The following TMEM132D variants were observed in gnomAD, a reference collection of about 807,000 sequenced individuals.
TMEM132D encodes the protein mature OL transmembrane protein.
TMEM132D carries 21 observed loss-of-function variants against 62.3 expected under a neutral mutation model. The observed-to-expected ratio is 0.34, with a 90% CI of 0.24 to 0.49. The LOEUF (loss-of-function observed/expected upper bound fraction) is 0.49. TMEM132D is among the 20% of genes least tolerant of loss of function. The probability of loss-of-function intolerance (pLI) is 0.99; values close to 1 mark genes in which losing one functional copy is unlikely to be tolerated. For missense variants in TMEM132D, 1,346 were observed against 1,402.8 expected (o/e 0.96, Z 0.65); for synonymous variants, 621 against 575.6 (o/e 1.08, Z -1.13).
intron 2 of TMEM132D, among the ~76,000 whole-genome samples, chr12:129,539,131 G>T (rs947230960): frequency 2.0e-5 from 3 of 152,174 alleles, no homozygotes; most frequent in Non-Finnish European, 4.4e-5. Flanking sequence ...ACAGGACAAA[G>T]GAATGATTCA....
intron 3 of TMEM132D, among the ~76,000 whole-genome samples, chr12:129,498,742 T>C (rs1041084948): frequency 6.6e-6 from 1 of 152,180 alleles, no homozygotes; most frequent in African/African-American, 2.4e-5. Flanking sequence ...TATGTCTTCA[T>C]CAGTTAAGGT....
At chr12:129,485,919 GT>G (rs1566085081) in intron 3 of TMEM132D, among the ~76,000 whole-genome samples, 1 of 152,218 alleles carries the variant, frequency 6.6e-6, no homozygotes, top group Non-Finnish European at 1.5e-5. Context: ...ATCTAGACAT[GT>G]TGTGTGTAGC....
intron 2 of TMEM132D, among the ~76,000 whole-genome samples, chr12:129,550,915 G>T (rs1233264423): frequency 6.6e-6 from 1 of 152,188 alleles, no homozygotes; most frequent in Non-Finnish European, 1.5e-5. Flanking sequence ...CTATGAGGCT[G>T]TGAGTTCTGT....
intron 3 of TMEM132D, among the ~76,000 whole-genome samples, chr12:129,407,808 A>G (rs556456782): frequency 6.6e-6 from 1 of 151,374 alleles, no homozygotes; most frequent in African/African-American, 2.4e-5. Flanking sequence ...AGGCTGAGGC[A>G]GGAGAATGGT....
At chr12:129,860,744 T>A (rs573848426) in intron 1 of TMEM132D, among the ~76,000 whole-genome samples, 85 of 152,270 alleles carry the variant, frequency 5.6e-4, no homozygotes, top group Middle Eastern at 3.4e-3. Flanking sequence ...TGGGGAGGCC[T>A]CAGGAAACTT....
chr12:129,215,875 G>A (rs1243008113), intron 4 of TMEM132D, among the ~76,000 whole-genome samples: 1 of 152,194 alleles, frequency 6.6e-6, no homozygotes. Flanking sequence ...AGAGCCAAGT[G>A]AAAGGGGAAA....
chr12:129,372,071 G>A (rs905375821), intron 3 of TMEM132D, among the ~76,000 whole-genome samples: 3 of 152,238 alleles, frequency 2.0e-5, no homozygotes, highest in Non-Finnish European at 4.4e-5. Flanking sequence ...TAGCATTTGA[G>A]TTAGCAGACT....
At chr12:129,483,559 A>T (rs2137054993) in intron 3 of TMEM132D, among the ~76,000 whole-genome samples, 1 of 152,362 alleles carries the variant, frequency 6.6e-6, no homozygotes, top group Non-Finnish European at 1.5e-5. Flanking sequence ...ATTGAAGTTG[A>T]GTCATCTGAA....
intron 4 of TMEM132D, among the ~76,000 whole-genome samples, chr12:129,273,875 A>G (rs752673418): frequency 3.3e-5 from 5 of 151,530 alleles, no homozygotes. Context: ...TACCCATATA[A>G]CACACCTGCA....
chr12:129,594,240 G>T (rs1459525636), intron 2 of TMEM132D, among the ~76,000 whole-genome samples: 3 of 152,182 alleles, frequency 2.0e-5, no homozygotes, highest in Non-Finnish European at 4.4e-5. Flanking sequence ...AACCCCATAA[G>T]CCATATGGCC....
intron 1 of TMEM132D, among the ~76,000 whole-genome samples, chr12:129,860,135 G>A (rs887277054): frequency 7.9e-5 from 12 of 152,132 alleles, no homozygotes; most frequent in South Asian, 4.1e-4. Flanking sequence ...GACAGGACAC[G>A]CACACCCTAG....
At chr12:129,609,103 G>A (rs1050323317) in intron 2 of TMEM132D, among the ~76,000 whole-genome samples, 1 of 152,018 alleles carries the variant, frequency 6.6e-6, no homozygotes, top group Non-Finnish European at 1.5e-5. Flanking sequence ...AACACGCCCA[G>A]ATAATTTTTT....
chr12:129,109,120 A>G (rs2135642571), intron 5 of TMEM132D, among the ~76,000 whole-genome samples: 1 of 152,372 alleles, frequency 6.6e-6, no homozygotes, highest in Non-Finnish European at 1.5e-5. Flanking sequence ...ATAGGGATGG[A>G]AAAAGCACAA....
At chr12:129,660,498 A>G (rs1350819649) in intron 2 of TMEM132D, among the ~76,000 whole-genome samples, 1 of 152,064 alleles carries the variant, frequency 6.6e-6, no homozygotes, top group Admixed American at 6.5e-5. Flanking sequence ...GTCACGTCCA[A>G]TGTTGTCTGT....
chr12:129,896,367 C>T (rs1875131741), intron 1 of TMEM132D, among the ~76,000 whole-genome samples: 1 of 152,084 alleles, frequency 6.6e-6, no homozygotes, highest in Non-Finnish European at 1.5e-5. Context: ...AAAGGAGAGG[C>T]CAGGGCAGCA....
chr12:129,542,292 C>T (rs775044440), intron 2 of TMEM132D, among the ~76,000 whole-genome samples: 3 of 152,182 alleles, frequency 2.0e-5, no homozygotes, highest in Non-Finnish European at 2.9e-5. Flanking sequence ...AATTTCATTA[C>T]ATTACATAAT....
intron 2 of TMEM132D, among the ~76,000 whole-genome samples, chr12:129,676,666 A>G (rs1880639648): frequency 6.6e-6 from 1 of 152,200 alleles, no homozygotes; most frequent in Non-Finnish European, 1.5e-5. Context: ...CAAGCCATTC[A>G]TAAAGGATCT....
intron 1 of TMEM132D, among the ~76,000 whole-genome samples, chr12:129,862,392 G>A (rs142000257): frequency 1.3e-4 from 20 of 152,336 alleles, no homozygotes; most frequent in Admixed American, 9.8e-4. Flanking sequence ...AGCCAAGAGC[G>A]AAGGCGTTTT....
chr12:129,109,386 A>G (rs1875608026), intron 5 of TMEM132D, among the ~76,000 whole-genome samples: 1 of 152,304 alleles, frequency 6.6e-6, no homozygotes, highest in Non-Finnish European at 1.5e-5. Flanking sequence ...TACCAACTTC[A>G]TTGGGTGGTC....
Sources: gnomAD v4.1 joint callset for allele counts (sites outside exome capture counted in the v4.1 genomes callset) on GRCh38, gnomAD v4.1.1 for gene constraint, MANE v1.5 for transcripts, NCBI Gene and HGNC (gene_info 2026-07-23, HGNC 2026-07-21) for gene names.